The following TSC1 variants were observed in gnomAD, a reference collection of about 807,000 sequenced individuals.
The protein encoded by TSC1 is hamartin.
Under a neutral mutation model 124.3 loss-of-function variants are expected in TSC1, and 20 were observed. The ratio of observed to expected loss-of-function variants is 0.16; its 90% CI spans 0.11 to 0.23. The LOEUF is 0.23. Among genes scored for constraint, TSC1 ranks in the 10% least tolerant of loss-of-function variants. The pLI, the probability that TSC1 is intolerant of heterozygous loss-of-function variation, is 1.00. For missense variants in TSC1, 1,124 were observed against 1,448.5 expected (o/e 0.78, Z 3.64); for synonymous variants, 493 against 539.1 (o/e 0.91, Z 1.19).
chr9:132,896,553 G>C lies in TSC1; in HGVS notation c.3177C>G (p.Phe1059Leu), dbSNP rs753263747. 2.5e-6 allele frequency: 4 copies of C among 1,614,088 alleles called. No individual in the cohort carries two copies. In the East Asian group the frequency reaches 8.9e-5, roughly 36 times the overall value. Reference sequence around the variant, plus strand: ...CCATAGTCGTCTCCCACCGACTGCTGAATGGGCCTGCCCTCTGGTGTGGGG... The same window carrying C: ...CCATAGTCGTCTCCCACCGACTGCTCAATGGGCCTGCCCTCTGGTGTGGGG... ...EKPPHQRAGPFSSRWETTMGE... is the reference protein window; with the variant it reads ...EKPPHQRAGPLSSRWETTMGE... Residue 1059 changes from phenylalanine to leucine, a missense_variant, in exon 23 of 23, where the codon TTC (phenylalanine) becomes TTG (leucine). Phe to Leu is a conservative substitution (Grantham distance 22, BLOSUM62 0). Coordinates refer to ENST00000298552, the MANE Select transcript of TSC1 (RefSeq NM_000368.5). The surrounding 1 kb of genome is among the most constrained non-coding windows in gnomAD (Gnocchi z 4.5).
At position 132,907,358 on chromosome 9, in the gene TSC1, C is replaced by A. The variant is rs765695557; in HGVS notation, c.1276G>T (p.Asp426Tyr). The change falls in exon 13 of 23, where the codon GAT (aspartate) becomes TAT (tyrosine). Residue 426 changes from aspartate to tyrosine, a missense_variant. Transcript: ENST00000298552. ...CTGTGTAGACATGGTCTTGCAGAATCCATTCTCTCTTCCTGAAAAGATAAG... is the reference window on the plus strand; with the variant it reads ...CTGTGTAGACATGGTCTTGCAGAATACATTCTCTCTTCCTGAAAAGATAAG... Reference protein sequence around the residue: ...VTPPRKEERMDSARPCLHRQH... With the variant: ...VTPPRKEERMYSARPCLHRQH... 1.3e-5 allele frequency: 21 copies of A among 1,613,664 alleles called. No homozygotes were observed. The African/African-American group carries it at 2.8e-4, about 22-fold the overall frequency.
rs1845122540 is a variant in TSC1, at chr9:132,897,245, C to T, written c.2914G>A (p.Asp972Asn). The T allele has an allele frequency of 1.2e-6, 2 of 1,614,216 alleles. No homozygotes were observed. Among genetic ancestry groups the T allele is most frequent in the Non-Finnish European group, 1.7e-6 (2 of 1,180,038 alleles). The change falls in exon 22 of 23, where the codon GAT (aspartate) becomes AAT (asparagine). Residue 972 changes from aspartate (D) to asparagine (N), a missense_variant. Asp to Asn is a conservative substitution (Grantham distance 23). Around this residue, in one of 5 missense-constraint regions of TSC1, gnomAD observed 325 missense variants for 383.4 expected, o/e 0.85. Transcript: ENST00000298552. ...ILDLYGRLEKDGLLKKLEEEK... is the reference protein window; with the variant it reads ...ILDLYGRLEKNGLLKKLEEEK... ...TCTTCAAGTTTTTTCAGGAGGCCAT[C>T]TTTCTCCAACCTGCCATATAAATCT...
Position 132,941,542 on chromosome 9 carries a change from A to G in TSC1, c.-144+3001T>C, listed in dbSNP as rs548191702. The G allele has an allele frequency of 3.3e-5, 5 of 152,348 alleles. No individual in the cohort carries two copies. In the East Asian group the frequency reaches 9.6e-4, roughly 29 times the overall value. The allele number at this position is 152,348 out of a possible 1,614,324, so 9.4% of individuals were successfully genotyped here. A position where few individuals can be genotyped will look rare whatever the true frequency, so the allele number is the denominator to read the frequency against. On this transcript the variant is annotated intron_variant, in intron 1 of 22. Transcript: ENST00000298552. ...GTGTTTGAGTGTATACTACATATAC[A>G]CATTTCAAGCAAACAGCCACAGATT...
upstream of TSC1, chr9:132,944,639 G>T (rs45522535): frequency 1.0e-5 from 4 of 398,686 alleles, no homozygotes; most frequent in Non-Finnish European, 1.8e-5. Flanking sequence ...GTCGTGAAAG[G>T]GCCAAGGCCG....
At chr9:132,897,650 T>C (rs762919502) in intron 20 of TSC1, 40 bp from the exon 21 acceptor site, 3 of 1,565,352 alleles carry the variant, frequency 1.9e-6, no homozygotes, top group Admixed American at 2.1e-5. Context: ...TTAGTACTTA[T>C]AAAAAATAAA....
Position 132,896,379 on chromosome 9 carries a change from T to C in TSC1, c.3351A>G (p.Leu1117=). 1 of 1,614,236 alleles carries C rather than the reference T, an allele frequency of 6.2e-7. No homozygotes were observed. Among genetic ancestry groups the C allele is most frequent in the Non-Finnish European group, 8.5e-7 (1 of 1,180,048 alleles). Residue 1117 remains leucine (L), a synonymous_variant, in exon 23 of 23, where the codon CTA becomes CTG. Transcript: ENST00000298552. This position sits in a 1 kb window ranked among gnomAD's most constrained non-coding sequence, Gnocchi z 4.5. ...CCAAGTCTTTGCCCAGTTCTGTCTT[T>C]AGGCTCTCAGAAAGGCTACTGGTCA... ...DGMTSSLSES[L]KTELGKDLGV...
chr9:132,910,637 T>C lies in TSC1; in HGVS notation c.1197A>G (p.Pro399=), dbSNP rs2131943425. 6.2e-7 allele frequency: 1 copy of C among 1,613,768 alleles called. No individual in the cohort carries two copies. The highest frequency in any genetic ancestry group is 8.5e-7 in the Non-Finnish European group (1 of 1,179,982). ...GTPATSPPPA[P]LCHSDDYVHI... is the part of the protein sequence containing the mutation. ...GCACGTAGTCATCCGAATGACAGAG[T>C]GGGGCTGGAGGAGGAGAGGTTGCTG... Residue 399 remains proline, a synonymous_variant, in exon 12 of 23, where the codon CCA becomes CCG. Transcript: ENST00000298552.
chr9:132,913,891 G>GTTTTTTTTTTTTTTTTTTTT (rs775823272), intron 8 of TSC1, among the ~76,000 whole-genome samples: 1 of 58,374 alleles, frequency 1.7e-5, no homozygotes, highest in African/African-American at 6.7e-5. Flanking sequence ...GTTTTGTTTT[G>GTTTTTTTTTTTTTTTTTTTT]TTTTTTTTTT....
chr9:132,906,016 G>C lies in TSC1; in HGVS notation c.1562C>G (p.Ser521Trp), dbSNP rs759379027. The change falls in exon 15 of 23, where the codon TCG (serine) becomes TGG (tryptophan). Residue 521 changes from serine (S) to tryptophan (W), a missense_variant. Ser to Trp is a radical substitution (Grantham distance 177, BLOSUM62 -3). Around this residue, in one of 5 missense-constraint regions of TSC1, gnomAD observed 321 missense variants for 397.4 expected, o/e 0.81. Coordinates refer to ENST00000298552, the MANE Select transcript of TSC1 (RefSeq NM_000368.5). This position sits in a 1 kb window ranked among gnomAD's most constrained non-coding sequence, Gnocchi z 4.1. Reference sequence around the variant, plus strand: ...GGCGCCCTGAGAACTGGAGGCTGCCGAGTGGGTCTTCCGCTGAGAACCTGG... The same window carrying C: ...GGCGCCCTGAGAACTGGAGGCTGCCCAGTGGGTCTTCCGCTGAGAACCTGG... ...SLPGSQRKTH[S>W]AASSSQGASV... 17 of 1,614,106 alleles carry C rather than the reference G, an allele frequency of 1.1e-5. No homozygotes were observed. Among genetic ancestry groups the C allele is most frequent in the Non-Finnish European group, 1.4e-5 (17 of 1,180,014 alleles).
In TSC1 at chr9:132,928,796, G is replaced by A; in HGVS notation, c.77C>T (p.Thr26Ile). The change falls in exon 3 of 23, where the codon ACA (threonine) becomes ATA (isoleucine). Residue 26 changes from threonine (T) to isoleucine (I), a missense_variant. By Grantham distance (89) the Thr-to-Ile change is moderately conservative. Transcript: ENST00000298552. ...ATTGAGGTTCTCTTTAAAGACAGCT[G>A]TCACGTCGTCCCGCACACCCAGCAT... is the stretch of plus-strand genomic sequence containing the variant. ...SPMLGVRDDV[T>I]AVFKENLNSD... 1 of 1,614,180 alleles carries A rather than the reference G, an allele frequency of 6.2e-7. No homozygotes were observed. The highest frequency in any genetic ancestry group is 8.5e-7 in the Non-Finnish European group (1 of 1,180,026).
chr9:132,942,051 T>C (rs1847766869), intron 1 of TSC1: 1 of 152,208 alleles, frequency 6.6e-6, no homozygotes, highest in Non-Finnish European at 1.5e-5. Context: ...CAGGAAAAGC[T>C]AATTTTAGTT....
chr9:132,902,078 G>A lies in TSC1; in HGVS notation c.2392-379C>T, dbSNP rs574498679. On this transcript the variant is annotated intron_variant, in intron 18 of 22. Coordinates refer to ENST00000298552, the MANE Select transcript of TSC1 (RefSeq NM_000368.5). The surrounding 1 kb of genome is among the most constrained non-coding windows in gnomAD (Gnocchi z 5.2). ...AAATGATGCTGTGTCTGTGGATGAC[G>A]TCTTTGTGAAGCCGGGTTTTTTTGG... 2.0e-5 allele frequency: 5 copies of A among 248,860 alleles called. No individual in the cohort carries two copies. The highest frequency in any genetic ancestry group is 5.6e-5 in the South Asian group (1 of 17,992). The allele number at this position is 248,860 out of a possible 1,614,324, so 15.4% of individuals were successfully genotyped here. A position where few individuals can be genotyped will look rare whatever the true frequency, so the allele number is the denominator to read the frequency against.
intron 3 of TSC1, among the ~76,000 whole-genome samples, chr9:132,928,082 T>C (rs541019928): frequency 1.3e-5 from 2 of 152,252 alleles, no homozygotes; most frequent in South Asian, 2.1e-4. Context: ...CTGAACAGTA[T>C]GTTGTAACCA....
intron 20 of TSC1, among the ~76,000 whole-genome samples, chr9:132,898,707 C>G (rs569354632): frequency 3.7e-4 from 56 of 152,214 alleles, no homozygotes; most frequent in Non-Finnish European, 7.1e-4. Context: ...CGTGCACTCT[C>G]ACTAATCCTT....
chr9:132,921,449 G>A lies in TSC1; in HGVS notation c.664-13C>T, dbSNP rs2132139161. On this transcript the variant is annotated splice_polypyrimidine_tract_variant and intron_variant, in intron 7 of 22. Transcript: ENST00000298552. This position sits in a 1 kb window ranked among gnomAD's most constrained non-coding sequence, Gnocchi z 4.3. The stretch of plus-strand genomic sequence containing the variant: ...GCTCCATCATTGGCTAGAAGAGTTG[G>A]GTTGACAAATTATAAAGGGCTGAAT... The A allele has an allele frequency of 6.2e-7, 1 of 1,614,008 alleles. No homozygotes were observed. Among genetic ancestry groups the A allele is most frequent in the South Asian group, 1.1e-5 (1 of 91,080 alleles).
At chr9:132,908,526 C>T (rs192992242) in intron 12 of TSC1, among the ~76,000 whole-genome samples, 113 of 152,164 alleles carry the variant, frequency 7.4e-4, no homozygotes, top group Admixed American at 1.0e-3. Flanking sequence ...GATCATGGCT[C>T]ACTGCAATCT....
rs192433086 is a variant in TSC1 at position 132,903,491 on chromosome 9, C to T, written c.2208+160G>A. On this transcript the variant is annotated intron_variant, in intron 17 of 22. Coordinates refer to ENST00000298552, the MANE Select transcript of TSC1 (RefSeq NM_000368.5). The surrounding 1 kb of genome is among the most constrained non-coding windows in gnomAD (Gnocchi z 5.9). ...GTTTCTGAGAATTATGAGGGAATTC[C>T]GAGGTGTCACCATTCATGTCTTAAT... Among the ~76,000 whole-genome samples, 6 of 152,266 alleles carry T rather than the reference C, an allele frequency of 3.9e-5. No homozygotes were observed. The highest frequency in any genetic ancestry group is 1.3e-4 in the Admixed American group (2 of 15,302).
Position 132,894,752 on chromosome 9 carries a change from C to G in TSC1, c.*1483G>C, listed in dbSNP as rs185039865. Reference sequence around the variant, plus strand: ...TCTCTGCTCGAGGCCTCCGTGGGCACTAAGATTTCGTACCGTGACAGTTTT... The same window carrying G: ...TCTCTGCTCGAGGCCTCCGTGGGCAGTAAGATTTCGTACCGTGACAGTTTT... On this transcript the variant is annotated 3_prime_UTR_variant, in exon 23 of 23. Coordinates refer to ENST00000298552, the MANE Select transcript of TSC1 (RefSeq NM_000368.5). 65 of 218,494 alleles carry G rather than the reference C, an allele frequency of 3.0e-4. No individual in the cohort carries two copies. The highest frequency in any genetic ancestry group is 1.5e-3 in the African/African-American group (64 of 44,090). The allele number at this position is 218,494 out of a possible 1,614,324, so 13.5% of individuals were successfully genotyped here.
rs118203565 is a variant in TSC1, at chr9:132,905,861, G to T, written c.1717C>A (p.Gln573Lys). The T allele has an allele frequency of 1.9e-6, 3 of 1,612,654 alleles. No homozygotes were observed. The South Asian group carries it at 3.3e-5, about 18-fold the overall frequency. ...AAGATACTGGTCTCCAAAGAAGTCT[G>T]GCATTCCCTGTCTCCCGCAGGGCTT... ...DESPAGDREC[Q>K]TSLETSIFTP... is the part of the protein sequence containing the mutation. The change falls in exon 15 of 23, where the codon CAG (glutamine) becomes AAG (lysine). Residue 573 changes from glutamine (Q) to lysine (K), a missense_variant. By Grantham distance (53) the Gln-to-Lys change is moderately conservative (BLOSUM62 1). This residue lies in a region of TSC1 where 321 missense variants were observed against 397.4 expected (regional missense o/e 0.81). Transcript: ENST00000298552.
Sources: gnomAD v4.1 joint callset for allele counts (sites outside exome capture counted in the v4.1 genomes callset) on GRCh38, gnomAD v4.1.1 for gene constraint, gnomAD v4.1.1 regional missense constraint, Gnocchi (gnomAD v3.1) non-coding constraint, MANE v1.5 for transcripts, NCBI Gene and HGNC (gene_info 2026-07-23, HGNC 2026-07-21) for gene names.